The following DENND2B variants were observed in gnomAD, a reference collection of about 807,000 sequenced individuals.
DENND2B encodes DENN domain-containing protein 2B.
DENND2B carries 32 observed loss-of-function variants against 116.0 expected under a neutral mutation model. That is an observed-to-expected ratio of 0.28 (90% CI 0.21 to 0.37). The LOEUF (loss-of-function observed/expected upper bound fraction) is 0.37, where lower values mean the gene tolerates loss of function less well. DENND2B is among the 10% of genes least tolerant of loss of function. The probability of loss-of-function intolerance (pLI) is 1.00; values close to 1 mark genes in which losing one functional copy is unlikely to be tolerated. For synonymous variants in DENND2B, 588 were observed against 583.9 expected (o/e 1.01, Z -0.10); for missense variants, 1,276 against 1,477.7 (o/e 0.86, Z 2.24).
At chr11:8,858,029 T>G (rs1421074976) in intron 2 of DENND2B, among the ~76,000 whole-genome samples, 1 of 152,216 alleles carries the variant, frequency 6.6e-6, no homozygotes, top group Non-Finnish European at 1.5e-5. Context: ...CACAGTGCAT[T>G]CATTCAACCA....
chr11:8,718,433 A>G lies in DENND2B; in HGVS notation c.1478-541T>C, dbSNP rs2045497243. 5.9e-6 allele frequency: 9 copies of G among 1,523,506 alleles called. No individual in the cohort carries two copies. The Admixed American group carries it at 1.4e-4, about 24-fold the overall frequency. 94.4% of individuals were successfully genotyped at this position (1,523,506 alleles called of 1,614,324 possible). A position where few individuals can be genotyped will look rare whatever the true frequency, so the allele number is the denominator to read the frequency against. ...TCGCCAGGCCCCCTTCTCACCTACG[A>G]TGCCGTTCAACAAGTCTTTTAGGGC... On this transcript the variant is annotated intron_variant, in intron 4 of 19. Coordinates refer to ENST00000313726, the MANE Select transcript of DENND2B (RefSeq NM_213618.2).
At chr11:8,839,736 C>T (rs1214561344) in intron 3 of DENND2B, among the ~76,000 whole-genome samples, 3 of 152,176 alleles carry the variant, frequency 2.0e-5, no homozygotes, top group East Asian at 1.9e-4. Flanking sequence ...AGTGCCAGGA[C>T]ACACATTCCT....
At chr11:8,695,196 A>G (rs1358324269) in intron 19 of DENND2B, among the ~76,000 whole-genome samples, 5 of 152,246 alleles carry the variant, frequency 3.3e-5, no homozygotes, top group African/African-American at 9.6e-5. Context: ...GCCATTTTAT[A>G]GAAGGGACTT....
At chr11:8,884,339 T>G (rs570497680) in intron 1 of DENND2B, among the ~76,000 whole-genome samples, 272 of 152,214 alleles carry the variant, frequency 1.8e-3, no homozygotes, top group Non-Finnish European at 1.8e-3. Flanking sequence ...TGTTGTTGTT[T>G]TTTGTTTTTT....
intron 4 of DENND2B, among the ~76,000 whole-genome samples, chr11:8,838,783 C>T (rs1050119383): frequency 2.0e-5 from 3 of 152,206 alleles, no homozygotes; most frequent in East Asian, 1.9e-4. Context: ...AAAGCATTTA[C>T]GGAAAACTTA....
At chr11:8,895,208 T>C (rs1400700496) in intron 1 of DENND2B, among the ~76,000 whole-genome samples, 1 of 151,724 alleles carries the variant, frequency 6.6e-6, no homozygotes, top group Non-Finnish European at 1.5e-5. Context: ...ATGAGAACAC[T>C]TGGACACAGG....
intron 3 of DENND2B, among the ~76,000 whole-genome samples, chr11:8,856,739 C>CT (rs1353928817): frequency 6.6e-6 from 1 of 150,714 alleles, no homozygotes; most frequent in East Asian, 2.0e-4. Flanking sequence ...TCTCCTCACT[C>CT]TATCACTATT....
At chr11:8,762,928 C>T (rs2054953175) in intron 1 of DENND2B, among the ~76,000 whole-genome samples, 1 of 152,112 alleles carries the variant, frequency 6.6e-6, no homozygotes. Context: ...GAACTTTGTT[C>T]ATTTAACAAA....
At chr11:8,865,500 C>T (rs1219362920) in intron 2 of DENND2B, among the ~76,000 whole-genome samples, 1 of 151,946 alleles carries the variant, frequency 6.6e-6, no homozygotes, top group Non-Finnish European at 1.5e-5. Context: ...AGAGAAAGCT[C>T]AGCTTGTTTA....
intron 4 of DENND2B, chr11:8,718,867 T>C: frequency 1.0e-6 from 1 of 995,296 alleles, no homozygotes; most frequent in Non-Finnish European, 1.2e-6. Flanking sequence ...CACACACATT[T>C]TCTAAAATAG....
intron 18 of DENND2B, 79 bp downstream of exon 18, chr11:8,696,348 G>C: frequency 2.5e-6 from 4 of 1,569,660 alleles, no homozygotes; most frequent in East Asian, 2.2e-5. Flanking sequence ...ATGTCCAAGA[G>C]CTTCCATCAT....
chr11:8,750,565 C>G lies in DENND2B; in HGVS notation c.80+56G>C, dbSNP rs2052187288. The G allele has an allele frequency of 2.0e-6, 3 of 1,467,350 alleles. No homozygotes were observed. In the African/African-American group the frequency reaches 4.2e-5, roughly 20 times the overall value. 90.9% of individuals were successfully genotyped at this position (1,467,350 alleles called of 1,614,324 possible). ...ATGACTATTTACATTTTGGAGGGAT[C>G]CCACCCAGGACCTAGGTCCCTTGAT... On this transcript the variant is annotated intron_variant, in intron 2 of 19. Transcript: ENST00000313726.
intron 8 of DENND2B, among the ~76,000 whole-genome samples, chr11:8,713,223 G>A (rs2044089855): frequency 6.6e-6 from 1 of 152,144 alleles, no homozygotes; most frequent in South Asian, 2.1e-4. Flanking sequence ...CAAGGACCCT[G>A]GAATGTGAAG....
chr11:8,694,152 A>G (rs968813805), intron 19 of DENND2B, 22 bp from the exon 20 acceptor site: 4 of 1,614,016 alleles, frequency 2.5e-6, no homozygotes, highest in Non-Finnish European at 3.4e-6. Flanking sequence ...AGAGGACAAG[A>G]GAGAATGTTC....
At chr11:8,721,385 C>A (rs929758214) in intron 4 of DENND2B, among the ~76,000 whole-genome samples, 3 of 152,238 alleles carry the variant, frequency 2.0e-5, no homozygotes, top group East Asian at 1.9e-4. Context: ...ACTGGAAAAA[C>A]CAGTTAGGAA....
chr11:8,715,687 C>T lies in DENND2B; in HGVS notation c.1761G>A (p.Pro587=), dbSNP rs143407191. Reference sequence around the variant, plus strand: ...CTTCATTGAGGCTGGAGGGTGAGGACGGCAGACTCAGCTGAGCCAGCAGCA... The same window carrying T: ...CTTCATTGAGGCTGGAGGGTGAGGATGGCAGACTCAGCTGAGCCAGCAGCA... ...DMLLLAQLSL[P]SSPSSLNEDS... The change falls in exon 6 of 20, where the codon CCG becomes CCA. Residue 587 remains proline, a synonymous_variant. Coordinates refer to ENST00000313726, the MANE Select transcript of DENND2B (RefSeq NM_213618.2). 45 of 1,614,158 alleles carry T rather than the reference C, an allele frequency of 2.8e-5. No individual in the cohort carries two copies. Among genetic ancestry groups the T allele is most frequent in the East Asian group, 2.7e-4 (12 of 44,870 alleles).
At chr11:8,816,632 T>C (rs1368161432) in intron 4 of DENND2B, among the ~76,000 whole-genome samples, 8 of 152,094 alleles carry the variant, frequency 5.3e-5, no homozygotes, top group South Asian at 2.1e-4. Flanking sequence ...CTGCCATTTA[T>C]AGAAGAGCCC....
chr11:8,828,319 C>T (rs990072672), intron 4 of DENND2B, among the ~76,000 whole-genome samples: 1 of 152,196 alleles, frequency 6.6e-6, no homozygotes, highest in Non-Finnish European at 1.5e-5. Flanking sequence ...AACAGCACAA[C>T]TCGGCCGTTA....
At chr11:8,876,807 A>G (rs2063846168) in intron 2 of DENND2B, among the ~76,000 whole-genome samples, 1 of 151,126 alleles carries the variant, frequency 6.6e-6, no homozygotes. Flanking sequence ...TGAACTCCGG[A>G]GGCAGAGGTT....
Sources: gnomAD v4.1 joint callset for allele counts (sites outside exome capture counted in the v4.1 genomes callset) on GRCh38, gnomAD v4.1.1 for gene constraint, MANE v1.5 for transcripts, NCBI Gene and HGNC (gene_info 2026-07-23, HGNC 2026-07-21) for gene names.